Variants in PLA2G4D observed in about 807,000 individuals in gnomAD.
PLA2G4D encodes the protein phospholipase A2 group IVD.
In PLA2G4D, 80 loss-of-function variants were observed where a neutral mutation model predicts 94.4. The observed-to-expected ratio is 0.85, with a 90% CI of 0.71 to 1.02. The LOEUF is 1.02. Ranked by LOEUF, PLA2G4D falls within the 50% of genes least tolerant of loss-of-function variation. The pLI is 0.00. For synonymous variants in PLA2G4D, 438 were observed against 440.9 expected (o/e 0.99, Z 0.08); for missense variants, 1,050 against 1,034.7 (o/e 1.01, Z -0.20).
chr15:42,071,308 G>A lies in PLA2G4D; in HGVS notation c.1691C>T (p.Pro564Leu), dbSNP rs774065519. ...KDKTRSLEKE[P>L]LTTSGTSSRL... is the part of the protein sequence containing the mutation. Reference sequence around the variant, plus strand: ...CGAGGAGGTCCCCGAGGTGGTCAGGGGCTCCTTCTCTGAAGCCAGAGAAAC... The same window carrying A: ...CGAGGAGGTCCCCGAGGTGGTCAGGAGCTCCTTCTCTGAAGCCAGAGAAAC... The change falls in exon 17 of 20, where the codon CCC (proline) becomes CTC (leucine). Residue 564 changes from proline to leucine, a missense_variant. Transcript: ENST00000290472. 5.7e-6 allele frequency: 9 copies of A among 1,582,574 alleles called. No homozygotes were observed. In the East Asian group the frequency reaches 1.8e-4, roughly 32 times the overall value.
chr15:42,083,122 A>G, intron 8 of PLA2G4D, 76 bp downstream of exon 8: 5 of 1,543,310 alleles, frequency 3.2e-6, no homozygotes, highest in Non-Finnish European at 4.4e-6. Context: ...GTGGGCAGGG[A>G]AGGCAGGGAG....
rs1889710118 is a variant in PLA2G4D, at chr15:42,067,555, AAAAG to A, written c.*1156_*1159del. On this transcript the variant is annotated 3_prime_UTR_variant, in exon 20 of 20. Transcript: ENST00000290472. ...TGAGATTCTGTCTCAAAAAAAAAAAAAAAGAAAGAAAAAGAAAAAGAAATGTGCC... is the reference window on the plus strand; with the variant it reads ...TGAGATTCTGTCTCAAAAAAAAAAAAAAAGAAAAAGAAAAAGAAATGTGCC... The A allele has an allele frequency of 1.3e-5, 2 of 151,752 alleles. No homozygotes were observed. 9.4% of individuals were successfully genotyped at this position (151,752 alleles called of 1,614,324 possible).
Position 42,089,315 on chromosome 15 carries a change from C to G in PLA2G4D, c.46-1615G>C, listed in dbSNP as rs180769888. Among the ~76,000 whole-genome samples, 569 of 152,206 alleles carry G rather than the reference C, an allele frequency of 3.7e-3. 2 individuals are homozygous for G. Among genetic ancestry groups the G allele is most frequent in the Middle Eastern group, 0.017 (5 of 292 alleles). On this transcript the variant is annotated intron_variant, in intron 1 of 19. Transcript: ENST00000290472. Reference sequence around the variant, plus strand: ...TTGCTAGGGGCTGGCTCAGCACCCACGGGGACCTGAATCTCCACTCCCCAC... The same window carrying G: ...TTGCTAGGGGCTGGCTCAGCACCCAGGGGGACCTGAATCTCCACTCCCCAC...
intron 14 of PLA2G4D, 143 bp from the exon 15 acceptor site, chr15:42,072,054 G>T: frequency 4.2e-6 from 5 of 1,194,010 alleles, no homozygotes; most frequent in Non-Finnish European, 5.9e-6. Flanking sequence ...TGAGGAATGG[G>T]CAGTCCTGGA....
Position 42,084,117 on chromosome 15 carries a change from T to C in PLA2G4D, c.472-338A>G. On this transcript the variant is annotated intron_variant, in intron 6 of 19. Coordinates refer to ENST00000290472, the MANE Select transcript of PLA2G4D (RefSeq NM_178034.4). This position sits in a 1 kb window ranked among gnomAD's most constrained non-coding sequence, Gnocchi z 4.8. ...TGGCTTGGAGCTGGAGGAGGTATTC[T>C]ACCACAACTCCAAATAATCTAAGCA... 1 of 295,814 alleles carries C rather than the reference T, an allele frequency of 3.4e-6. No homozygotes were observed. Among genetic ancestry groups the C allele is most frequent in the Non-Finnish European group, 6.5e-6 (1 of 155,010 alleles). 18.3% of individuals were successfully genotyped at this position (295,814 alleles called of 1,614,324 possible).
chr15:42,083,161 C>A (rs1180931863), intron 8 of PLA2G4D, 37 bp downstream of exon 8: 5 of 1,598,654 alleles, frequency 3.1e-6, no homozygotes, highest in Non-Finnish European at 4.3e-6. Context: ...GCTGCCCAAG[C>A]CTAGGATTGC....
At chr15:42,071,676 CTTG>C in intron 15 of PLA2G4D, 95 bp downstream of exon 15, 1 of 1,421,774 alleles carries the variant, frequency 7.0e-7, no homozygotes, top group Non-Finnish European at 9.8e-7. Flanking sequence ...ACCCCTCCCC[CTTG>C]TCCTGAGGTT....
At chr15:42,085,275 CAGG>C in intron 5 of PLA2G4D, 137 bp from the exon 6 acceptor site, 1 of 1,119,558 alleles carries the variant, frequency 8.9e-7, no homozygotes, top group Non-Finnish European at 1.4e-6. Flanking sequence ...AGATGCTTTG[CAGG>C]AGGAGAGGGG....
chr15:42,085,300 C>T (rs1890119697), intron 5 of PLA2G4D, among the ~76,000 whole-genome samples, 162 bp from the exon 6 acceptor site: 1 of 152,104 alleles, frequency 6.6e-6, no homozygotes, highest in Admixed American at 6.5e-5. Context: ...GGGGAGAGAG[C>T]AGAGAGAGAA....
At chr15:42,077,030 C>T (rs1889942328) in intron 13 of PLA2G4D, among the ~76,000 whole-genome samples, 1 of 152,034 alleles carries the variant, frequency 6.6e-6, no homozygotes, top group South Asian at 2.1e-4. Flanking sequence ...CAAGATTGAA[C>T]CATGAAGAAA....
At chr15:42,085,072 C>A in intron 6 of PLA2G4D, 24 bp downstream of exon 6, 1 of 1,614,070 alleles carries the variant, frequency 6.2e-7, no homozygotes, top group Non-Finnish European at 8.5e-7. Flanking sequence ...GGGCCCCTCC[C>A]CTAAGCCTGG....
rs773474954 is a variant in PLA2G4D, at chr15:42,069,946, C to A, written c.2193G>T (p.Pro731=). Residue 731 remains proline, a synonymous_variant, in exon 19 of 20, where the codon CCG becomes CCT. Coordinates refer to ENST00000290472, the MANE Select transcript of PLA2G4D (RefSeq NM_178034.4). ...GGTCCTTGAAGGAGGCATTGACCAG[C>A]GGGAAGTGCAGCAGGATCGGGGCCT... ...CPEAPILLHF[P]LVNASFKDHS... is the part of the protein sequence containing the mutation. The A allele has an allele frequency of 6.2e-6, 9 of 1,449,088 alleles. No individual in the cohort carries two copies. The Admixed American group carries it at 1.6e-4, about 26-fold the overall frequency. 89.8% of individuals were successfully genotyped at this position (1,449,088 alleles called of 1,614,324 possible).
chr15:42,078,328 C>G (rs1364024919), intron 13 of PLA2G4D, among the ~76,000 whole-genome samples: 1 of 152,208 alleles, frequency 6.6e-6, no homozygotes, highest in Non-Finnish European at 1.5e-5. Flanking sequence ...GCCCCTGGGG[C>G]AGGAGTGAAA....
intron 7 of PLA2G4D, among the ~76,000 whole-genome samples, 185 bp downstream of exon 7, chr15:42,083,531 G>A (rs937132044): frequency 2.0e-5 from 3 of 152,174 alleles, no homozygotes; most frequent in Non-Finnish European, 4.4e-5. Context: ...TCTGCAACAT[G>A]CTCTCCCCCA....
At position 42,079,524 on chromosome 15, in the gene PLA2G4D, G is replaced by A. The variant is rs577617981; in HGVS notation, c.1317+13C>T. 3.2e-6 allele frequency: 5 copies of A among 1,582,494 alleles called. No homozygotes were observed. The African/African-American group carries it at 5.4e-5, about 17-fold the overall frequency. On this transcript the variant is annotated intron_variant, in intron 13 of 19. Transcript: ENST00000290472. ...GCACACACGCGTCTCCCCCACGTGC[G>A]CAGGCGCCCTACCTGGCCGTGCAGC...
intron 14 of PLA2G4D, 108 bp from the exon 15 acceptor site, chr15:42,072,019 G>A (rs1889834484): frequency 7.1e-7 from 1 of 1,403,324 alleles, no homozygotes; most frequent in South Asian, 1.3e-5. Context: ...GAGCCCTGCT[G>A]TGCCTGGCAC....
rs1889700236 is a variant in PLA2G4D at position 42,067,075 on chromosome 15, T to C, written c.*1640A>G. The C allele has an allele frequency of 6.6e-6, 1 of 151,944 alleles. No homozygotes were observed. The highest frequency in any genetic ancestry group is 1.5e-5 in the Non-Finnish European group (1 of 67,966). 9.4% of individuals were successfully genotyped at this position (151,944 alleles called of 1,614,324 possible). A position where few individuals can be genotyped will look rare whatever the true frequency, so the allele number is the denominator to read the frequency against. On this transcript the variant is annotated 3_prime_UTR_variant, in exon 20 of 20. Coordinates refer to ENST00000290472, the MANE Select transcript of PLA2G4D (RefSeq NM_178034.4). ...AAAGGGAAAAAGTGAAGAATCAAAA[T>C]AAAGCCAAATGCAGAAGAGGCACAG...
In PLA2G4D at chr15:42,068,453, T is replaced by G; in HGVS notation, c.*262A>C. On this transcript the variant is annotated 3_prime_UTR_variant, in exon 20 of 20. Coordinates refer to ENST00000290472, the MANE Select transcript of PLA2G4D (RefSeq NM_178034.4). ...CTATCCTGCTCAGGCATGGAAGTAATTGTGGTGTGAAAGTCTGTCTGGTTG... is the reference window on the plus strand; with the variant it reads ...CTATCCTGCTCAGGCATGGAAGTAAGTGTGGTGTGAAAGTCTGTCTGGTTG... 1 of 499,852 alleles carries G rather than the reference T, an allele frequency of 2.0e-6. No homozygotes were observed. 31.0% of individuals were successfully genotyped at this position (499,852 alleles called of 1,614,324 possible).
At chr15:42,090,373 TCAGACCCCGA>T (rs1890226538) in intron 1 of PLA2G4D, among the ~76,000 whole-genome samples, 1 of 152,246 alleles carries the variant, frequency 6.6e-6, no homozygotes, top group Non-Finnish European at 1.5e-5. Flanking sequence ...ATCACTTTTG[TCAGACCCCGA>T]CAAATTAGGG....
Sources: gnomAD v4.1 joint callset for allele counts (sites outside exome capture counted in the v4.1 genomes callset) on GRCh38, gnomAD v4.1.1 for gene constraint, Gnocchi (gnomAD v3.1) non-coding constraint, MANE v1.5 for transcripts, NCBI Gene and HGNC (gene_info 2026-07-23, HGNC 2026-07-21) for gene names.